ANK1: variants seen among roughly 807,000 people sequenced by gnomAD.
The protein encoded by ANK1 is ankyrin 1, also known as ankyrin-1.
In ANK1, 51 loss-of-function variants were observed where a neutral mutation model predicts 210.4. The observed-to-expected ratio is 0.24, with a 90% CI of 0.19 to 0.31. The LOEUF (loss-of-function observed/expected upper bound fraction) is 0.31. Ranked by LOEUF, ANK1 falls within the 10% of genes least tolerant of loss-of-function variation. ANK1 has a pLI of 1.00. For missense variants in ANK1, 2,051 were observed against 2,504.4 expected (o/e 0.82, Z 3.86); for synonymous variants, 967 against 1,025.9 (o/e 0.94, Z 1.10).
chr8:41,728,251 GA>G (rs1831231358), intron 3 of ANK1, among the ~76,000 whole-genome samples: 1 of 152,208 alleles, frequency 6.6e-6, no homozygotes, highest in Non-Finnish European at 1.5e-5. Context: ...AAAAAAGAAG[GA>G]AATCAGGTCT....
intron 37 of ANK1, 107 bp from the exon 38 acceptor site, chr8:41,673,019 C>A: frequency 8.3e-7 from 1 of 1,202,294 alleles, no homozygotes; most frequent in South Asian, 1.3e-5. Context: ...GGTGCGGCCA[C>A]AGAGATGCAT....
chr8:41,767,113 G>A (rs1020651433), intron 1 of ANK1, among the ~76,000 whole-genome samples: 1 of 151,882 alleles, frequency 6.6e-6, no homozygotes, highest in Non-Finnish European at 1.5e-5. Flanking sequence ...GCCCCTCCGC[G>A]GCCGCAGCCT....
At chr8:41,846,666 G>A (rs1163815075) in intron 1 of ANK1, among the ~76,000 whole-genome samples, 1 of 152,198 alleles carries the variant, frequency 6.6e-6, no homozygotes, top group East Asian at 1.9e-4. Flanking sequence ...ATTGATCCTG[G>A]GAATTGATCC....
intron 1 of ANK1, among the ~76,000 whole-genome samples, chr8:41,845,750 G>A (rs772365082): frequency 6.6e-6 from 1 of 152,090 alleles, no homozygotes; most frequent in Non-Finnish European, 1.5e-5. Context: ...AAAAGCAAAT[G>A]GGAATGTGTT....
chr8:41,708,287 C>G (rs373738420), intron 17 of ANK1, among the ~76,000 whole-genome samples: 1 of 152,158 alleles, frequency 6.6e-6, no homozygotes, highest in African/African-American at 2.4e-5. Context: ...AAACTGCTCA[C>G]GCGCGCTTCC....
chr8:41,875,427 G>C (rs73675154), intron 1 of ANK1, among the ~76,000 whole-genome samples: 3 of 152,138 alleles, frequency 2.0e-5, no homozygotes, highest in Non-Finnish European at 4.4e-5. Flanking sequence ...AGTCACCACC[G>C]GCCTGCCAAG....
At chr8:41,869,191 T>C (rs530756646) in intron 1 of ANK1, among the ~76,000 whole-genome samples, 2 of 148,412 alleles carry the variant, frequency 1.3e-5, no homozygotes, top group East Asian at 4.0e-4. Context: ...ACTGCGTGGT[T>C]GGACCCGATG....
chr8:41,770,996 C>A (rs781023557), intron 1 of ANK1, among the ~76,000 whole-genome samples: 4 of 152,220 alleles, frequency 2.6e-5, no homozygotes, highest in African/African-American at 9.6e-5. Context: ...CTCTCCCTTG[C>A]TTTCCCCACC....
chr8:41,802,981 G>A (rs1850163965), intron 1 of ANK1, among the ~76,000 whole-genome samples: 3 of 72,998 alleles, frequency 4.1e-5, no homozygotes, highest in African/African-American at 5.1e-5. Context: ...GATGAAAAAA[G>A]AAAGAGAGAA....
chr8:41,856,270 C>A (rs1812159797), intron 1 of ANK1, among the ~76,000 whole-genome samples: 1 of 152,164 alleles, frequency 6.6e-6, no homozygotes, highest in South Asian at 2.1e-4. Context: ...GGTTAATAAT[C>A]CTTGATAGAA....
At chr8:41,828,172 C>T (rs1805851499) in intron 1 of ANK1, 1 of 152,246 alleles carries the variant, frequency 6.6e-6, no homozygotes, top group Admixed American at 6.5e-5. Context: ...TCCTCCAGTG[C>T]TGAATGTTTA....
intron 6 of ANK1, 48 bp downstream of exon 6, chr8:41,725,713 C>A: frequency 1.3e-6 from 2 of 1,581,326 alleles, no homozygotes; most frequent in Non-Finnish European, 1.7e-6. Context: ...GCCCCCTGAG[C>A]CCACGGGCGT....
intron 1 of ANK1, among the ~76,000 whole-genome samples, chr8:41,788,360 C>T (rs868807005): frequency 2.0e-5 from 3 of 152,124 alleles, no homozygotes; most frequent in African/African-American, 4.8e-5. Flanking sequence ...ATTGTGAAGT[C>T]GGAGTACTGA....
chr8:41,890,084 G>A lies in ANK1; in HGVS notation c.126+6271C>T, dbSNP rs184325871. ...AGGCCAGGAATGAACTTTGGTAAAG[G>A]ATTTATTAGAAAGAATAACTTTATG... On this transcript the variant is annotated intron_variant, in intron 1 of 42. Transcript: ENST00000265709. Among the ~76,000 whole-genome samples the A allele has an allele frequency of 1.4e-3, 215 of 152,258 alleles. 1 individual carries two copies. Among genetic ancestry groups the A allele is most frequent in the Admixed American group, 3.7e-3 (56 of 15,300 alleles).
At chr8:41,807,765 A>G (rs1005404725) in intron 1 of ANK1, among the ~76,000 whole-genome samples, 2 of 152,140 alleles carry the variant, frequency 1.3e-5, no homozygotes, top group Non-Finnish European at 2.9e-5. Flanking sequence ...TAGTGTTCAA[A>G]GGACGCTAGT....
At chr8:41,662,018 G>A in intron 40 of ANK1, 77 bp from the exon 41 acceptor site, 1 of 1,535,724 alleles carries the variant, frequency 6.5e-7, no homozygotes, top group Non-Finnish European at 8.9e-7. Flanking sequence ...CAGCACTTTG[G>A]GAGGCTGACG....
chr8:41,702,251 C>T lies in ANK1; in HGVS notation c.2296-107G>A, dbSNP rs539396032. On this transcript the variant is annotated intron_variant, in intron 20 of 42. Coordinates refer to ENST00000289734, the MANE Select transcript of ANK1 (RefSeq NM_000037.4). ...TTCACCTTCTAGTTGTTCAGGAGGA[C>T]CTGAGTGGACAGACGTCACCGTGGG... is the stretch of plus-strand genomic sequence containing the variant. 33 of 879,820 alleles carry T rather than the reference C, an allele frequency of 3.8e-5. No individual in the cohort carries two copies. The South Asian group carries it at 4.7e-4, about 12-fold the overall frequency. 54.5% of individuals were successfully genotyped at this position (879,820 alleles called of 1,614,324 possible).
At chr8:41,868,177 T>C (rs912805191) in intron 1 of ANK1, among the ~76,000 whole-genome samples, 1 of 152,222 alleles carries the variant, frequency 6.6e-6, no homozygotes, top group Non-Finnish European at 1.5e-5. Context: ...GTTTTAATGA[T>C]AAAAGCATGA....
intron 20 of ANK1, 46 bp from the exon 21 acceptor site, chr8:41,702,190 T>C (rs1237423725): frequency 1.3e-6 from 2 of 1,536,816 alleles, no homozygotes; most frequent in Non-Finnish European, 9.0e-7. Context: ...GGATGGAGTC[T>C]AGGAGGCGGG....
Sources: allele counts gnomAD v4.1 joint callset (sites outside exome capture counted in the v4.1 genomes callset), GRCh38; gene constraint gnomAD v4.1.1; transcripts MANE v1.5; gene names NCBI Gene and HGNC (gene_info 2026-07-23, HGNC 2026-07-21).